Variants in PDZD2 observed in about 807,000 individuals in gnomAD.
PDZD2 encodes PDZ domain containing 2, also known as PDZ domain-containing protein 2.
PDZD2 carries 90 observed loss-of-function variants against 220.7 expected under a neutral mutation model. The ratio of observed to expected loss-of-function variants is 0.41; its 90% CI spans 0.34 to 0.49. The LOEUF (loss-of-function observed/expected upper bound fraction) is 0.49. PDZD2 is among the 20% of genes least tolerant of loss of function. The pLI, the probability that PDZD2 is intolerant of heterozygous loss-of-function variation, is 0.28. For synonymous variants in PDZD2, 1,375 were observed against 1,450.5 expected, an observed-to-expected ratio of 0.95 and a Z score of 1.18; for missense variants, 3,174 against 3,608.5, an observed-to-expected ratio of 0.88 and a Z score of 3.08.
At chr5:31,726,378 A>T (rs1417664698) in intron 1 of PDZD2, among the ~76,000 whole-genome samples, 1 of 152,102 alleles carries the variant, frequency 6.6e-6, no homozygotes, top group African/African-American at 2.4e-5. Flanking sequence ...AAAATACAAA[A>T]ATTAGCTGGG....
chr5:32,060,349 T>C (rs1167197593), intron 13 of PDZD2, among the ~76,000 whole-genome samples: 3 of 152,228 alleles, frequency 2.0e-5, no homozygotes, highest in Non-Finnish European at 4.4e-5. Context: ...AGAGTCTTTG[T>C]TCTCTCCTAC....
rs183818356 is a variant in PDZD2, at chr5:31,912,996, G to A, written c.477-70159G>A. ...CCTTCTTTTAGGGTACAGGTTTTCA[G>A]TTGCCTTTGAGAAAAGCATCACATG... On this transcript the variant is annotated intron_variant, in intron 2 of 24. Transcript: ENST00000438447. 7.2e-5 allele frequency among the ~76,000 whole-genome samples: 11 copies of A among 152,268 alleles called. No individual in the cohort carries two copies. The East Asian group carries it at 2.1e-3, about 29-fold the overall frequency.
At chr5:31,669,088 A>C (rs1453169271) in intron 1 of PDZD2, among the ~76,000 whole-genome samples, 3 of 151,424 alleles carry the variant, frequency 2.0e-5, no homozygotes, top group Admixed American at 2.0e-4. Context: ...TAAACATCTA[A>C]CAGTGCACAG....
intron 1 of PDZD2, among the ~76,000 whole-genome samples, chr5:31,717,203 G>A (rs1748505783): frequency 6.6e-6 from 1 of 152,070 alleles, no homozygotes; most frequent in African/African-American, 2.4e-5. Flanking sequence ...TGGCCTTTGC[G>A]AGTCTAGACC....
Position 31,840,333 on chromosome 5 carries a change from G to C in PDZD2, c.476+40609G>C, listed in dbSNP as rs185623831. On this transcript the variant is annotated intron_variant, in intron 2 of 24. Transcript: ENST00000438447. The stretch of plus-strand genomic sequence containing the variant: ...GAAACCTGAAAGTTTAATTACAATG[G>C]GCCTTGCAAATGCTATTTATATCTC... Among the ~76,000 whole-genome samples the C allele has an allele frequency of 2.0e-3, 284 of 144,098 alleles. 1 individual carries two copies. Among genetic ancestry groups the C allele is most frequent in the African/African-American group, 7.1e-3 (276 of 38,612 alleles). 94.5% of individuals were successfully genotyped at this position (144,098 alleles called of 152,430 possible).
intron 8 of PDZD2, among the ~76,000 whole-genome samples, chr5:32,050,806 G>C (rs1738466130): frequency 6.6e-6 from 1 of 152,152 alleles, no homozygotes; most frequent in Admixed American, 6.6e-5. Context: ...AGGTGATAGA[G>C]TGAGAGACTC....
rs73070457 is a variant in PDZD2, at chr5:31,983,788, T to A, written c.978+132T>A. 4,412 of 948,738 alleles carry A rather than the reference T, an allele frequency of 4.7e-3. 132 individuals are homozygous for A. The African/African-American group carries it at 0.067, about 14-fold the overall frequency. 58.8% of individuals were successfully genotyped at this position (948,738 alleles called of 1,614,324 possible). On this transcript the variant is annotated intron_variant, in intron 3 of 24. Coordinates refer to ENST00000438447, the MANE Select transcript of PDZD2 (RefSeq NM_178140.4). ...ATTTTGAAAGAAATATTGTTTGAAG[T>A]TGCTTTTAAGGTTTAAAAAATATAC...
At chr5:31,866,022 G>GAGAT (rs1198500084) in intron 2 of PDZD2, among the ~76,000 whole-genome samples, 6 of 140,806 alleles carry the variant, frequency 4.3e-5, no homozygotes, top group Non-Finnish European at 7.6e-5. Context: ...GTTTTTTTTT[G>GAGAT]AGATAGGGTC....
chr5:32,081,953 C>T (rs1741995514), intron 19 of PDZD2, among the ~76,000 whole-genome samples: 3 of 151,536 alleles, frequency 2.0e-5, no homozygotes, highest in Admixed American at 1.3e-4. Flanking sequence ...CTCCTGAACT[C>T]GTGATCTGCC....
At chr5:31,923,281 GTAAAAA>G (rs914712902) in intron 2 of PDZD2, 37 of 566,600 alleles carry the variant, frequency 6.5e-5, no homozygotes, top group African/African-American at 1.9e-5. Flanking sequence ...AAATAGATAA[GTAAAAA>G]TAAAAATAAC....
At chr5:31,651,179 ATGTCCAAG>A (rs767851898) in intron 1 of PDZD2, among the ~76,000 whole-genome samples, 11,545 of 152,246 alleles carry the variant, frequency 0.076, 642 homozygotes, top group African/African-American at 0.15. Context: ...AATTGTGAGG[ATGTCCAAG>A]ACCCGTAACT....
At chr5:31,707,070 A>G (rs895108428) in intron 1 of PDZD2, among the ~76,000 whole-genome samples, 2 of 146,662 alleles carry the variant, frequency 1.4e-5, no homozygotes, top group African/African-American at 2.5e-5. Flanking sequence ...AGCAAACACC[A>G]CATGTTCTCA....
intron 8 of PDZD2, among the ~76,000 whole-genome samples, chr5:32,051,937 TGGA>T (rs1422672300): frequency 4.6e-5 from 7 of 152,326 alleles, no homozygotes; most frequent in Non-Finnish European, 1.0e-4. Flanking sequence ...GAACTTGGGA[TGGA>T]GGCAGGGGTG....
At chr5:31,641,691 G>A (rs759332951) in intron 1 of PDZD2, among the ~76,000 whole-genome samples, 2 of 152,036 alleles carry the variant, frequency 1.3e-5, no homozygotes, top group Non-Finnish European at 2.9e-5. Flanking sequence ...GTTTCACCAT[G>A]TTGCTTATGC....
chr5:32,052,637 C>G lies in PDZD2; in HGVS notation c.1692C>G (p.Thr564=), dbSNP rs141846974. 100 of 1,613,426 alleles carry G rather than the reference C, an allele frequency of 6.2e-5. 1 individual carries two copies. In the African/African-American group the frequency reaches 1.3e-3, roughly 21 times the overall value. ...AATACCACATTGTGAAGAAGTCTAC[C>G]CGCTCCTTAAGCACGACTCAGGTGG... ...SQEYHIVKKS[T]RSLSTTQVES... Residue 564 remains threonine, a synonymous_variant, in exon 9 of 25, where the codon ACC becomes ACG. Transcript: ENST00000438447.
chr5:31,764,946 A>G (rs12517873), intron 1 of PDZD2, among the ~76,000 whole-genome samples: 147,788 of 152,158 alleles, frequency 0.97, 71,837 homozygotes, highest in Middle Eastern at 1. Context: ...GCGTGGTGGT[A>G]CATGCTTGTA....
chr5:31,775,934 A>G (rs1354194255), intron 1 of PDZD2, among the ~76,000 whole-genome samples: 1 of 151,876 alleles, frequency 6.6e-6, no homozygotes, highest in Non-Finnish European at 1.5e-5. Context: ...AGGCTTCATG[A>G]GTGTGGCCAG....
intron 2 of PDZD2, chr5:31,923,670 G>A (rs1297958081): frequency 9.1e-6 from 6 of 662,302 alleles, no homozygotes; most frequent in South Asian, 1.5e-5. Context: ...TGAACCTGTA[G>A]CAGAGTGGAA....
chr5:31,646,474 C>T lies in PDZD2; in HGVS notation c.-361+7037C>T, dbSNP rs1032131411. The stretch of plus-strand genomic sequence containing the variant: ...GAATCATACACTCTCTCCAAGAGCA[C>T]GAAGGTTTCTTTTTCTTTTTCTGTT... On this transcript the variant is annotated intron_variant, in intron 1 of 24. Transcript: ENST00000438447. The surrounding 1 kb of genome is among the most constrained non-coding windows in gnomAD (Gnocchi z 4.7). Among the ~76,000 whole-genome samples, 2 of 152,092 alleles carry T rather than the reference C, an allele frequency of 1.3e-5. No individual in the cohort carries two copies. Among genetic ancestry groups the T allele is most frequent in the Non-Finnish European group, 2.9e-5 (2 of 68,014 alleles).
Sources: allele counts gnomAD v4.1 joint callset (sites outside exome capture counted in the v4.1 genomes callset), GRCh38; gene constraint gnomAD v4.1.1; non-coding constraint Gnocchi (gnomAD v3.1); transcripts MANE v1.5; gene names NCBI Gene and HGNC (gene_info 2026-07-23, HGNC 2026-07-21).